Variants in CDK14 observed in about 807,000 individuals in gnomAD.
The protein encoded by CDK14 is cyclin-dependent kinase 14.
A neutral mutation model predicts 60.7 loss-of-function variants in CDK14; 34 were observed. That is an observed-to-expected ratio of 0.56 (90% CI 0.43 to 0.75). The LOEUF (loss-of-function observed/expected upper bound fraction) is 0.75, where lower values mean the gene tolerates loss of function less well. CDK14 is among the 30% of genes least tolerant of loss of function. The probability of loss-of-function intolerance (pLI) is 0.00; values close to 1 mark genes in which losing one functional copy is unlikely to be tolerated. For synonymous variants in CDK14, 197 were observed against 203.7 expected (o/e 0.97, Z 0.28); for missense variants, 482 against 564.1 (o/e 0.85, Z 1.47).
At chr7:91,035,875 C>T (rs1449603577) in intron 10 of CDK14, among the ~76,000 whole-genome samples, 1 of 115,938 alleles carries the variant, frequency 8.6e-6, no homozygotes, top group East Asian at 3.0e-4. Context: ...CTCGCTCTGT[C>T]GCCCAGGCCG....
chr7:90,895,338 C>T (rs13232342), intron 6 of CDK14, among the ~76,000 whole-genome samples: 6,753 of 16,300 alleles, frequency 0.41, 1,005 homozygotes, highest in South Asian at 0.49. Context: ...TTCCTCTCCT[C>T]TCCTCTCCTC....
intron 11 of CDK14, among the ~76,000 whole-genome samples, chr7:91,054,105 T>TC (rs962335301): frequency 1.1e-4 from 17 of 149,980 alleles, no homozygotes; most frequent in Non-Finnish European, 2.1e-4. Context: ...TTTTTTTTTT[T>TC]TTTTTTACCA....
At chr7:90,880,511 G>A (rs1192748679) in intron 6 of CDK14, among the ~76,000 whole-genome samples, 1 of 152,162 alleles carries the variant, frequency 6.6e-6, no homozygotes, top group Non-Finnish European at 1.5e-5. Flanking sequence ...CCTCCTGGTA[G>A]TTCTGAGGAA....
intron 9 of CDK14, among the ~76,000 whole-genome samples, chr7:90,971,653 T>TAAAAAAA (rs35135401): frequency 1.3e-4 from 16 of 119,506 alleles, no homozygotes; most frequent in Non-Finnish European, 1.7e-4. Flanking sequence ...ATATACATAG[T>TAAAAAAA]AAAAAAAAAA....
chr7:90,893,109 ACT>A lies in CDK14; in HGVS notation c.640-6179_640-6178del, dbSNP rs200027551. Among the ~76,000 whole-genome samples the A allele has an allele frequency of 7.0e-3, 1,065 of 151,634 alleles. 10 individuals carry two copies. Among genetic ancestry groups the A allele is most frequent in the South Asian group, 0.012 (57 of 4,776 alleles). On this transcript the variant is annotated intron_variant, in intron 6 of 14. Coordinates refer to ENST00000380050, the MANE Select transcript of CDK14 (RefSeq NM_001287135.2). ...GTCTTCAGAGCCTCTTTCTGCGCTCACTCTGTCTGCTGCTTGGTTTCTAAGTC... is the reference window on the plus strand; with the variant it reads ...GTCTTCAGAGCCTCTTTCTGCGCTCACTGTCTGCTGCTTGGTTTCTAAGTC...
chr7:91,009,372 T>G (rs1489336154), intron 10 of CDK14, among the ~76,000 whole-genome samples: 6 of 152,210 alleles, frequency 3.9e-5, no homozygotes, highest in African/African-American at 1.4e-4. Context: ...ATGTTTTGTC[T>G]TCCGTTGGAT....
At chr7:90,616,514 TGG>T (rs1046437543) in intron 2 of CDK14, among the ~76,000 whole-genome samples, 3 of 152,150 alleles carry the variant, frequency 2.0e-5, no homozygotes, top group African/African-American at 7.2e-5. Flanking sequence ...TGAGCATCCT[TGG>T]GTCATTACAT....
At chr7:90,973,256 T>C (rs1272237501) in intron 9 of CDK14, among the ~76,000 whole-genome samples, 1 of 152,158 alleles carries the variant, frequency 6.6e-6, no homozygotes, top group Non-Finnish European at 1.5e-5. Flanking sequence ...ATTAGGAAAT[T>C]ATGTATAATA....
chr7:91,118,318 G>A, intron 14 of CDK14, 110 bp downstream of exon 14: 1 of 576,614 alleles, frequency 1.7e-6, no homozygotes, highest in East Asian at 2.9e-5. Context: ...TGAGTCTCTT[G>A]TGTGCATTAT....
rs1562907850 is a variant in CDK14, at chr7:91,108,906, A to T, written c.1155-3636A>T. ...TTTGAGGTGCAACTTAAAAGAGAAG[A>T]TCTGAAGGAGGAGTGGGAGAGCTAT... On this transcript the variant is annotated intron_variant, in intron 12 of 14. Transcript: ENST00000380050. 2.0e-5 allele frequency among the ~76,000 whole-genome samples: 3 copies of T among 152,330 alleles called. No homozygotes were observed. In the South Asian group the frequency reaches 6.2e-4, roughly 32 times the overall value.
At chr7:90,870,634 C>A (rs970226907) in intron 6 of CDK14, among the ~76,000 whole-genome samples, 1 of 152,122 alleles carries the variant, frequency 6.6e-6, no homozygotes, top group Non-Finnish European at 1.5e-5. Context: ...CCACTAGATT[C>A]ATTATCTAGT....
rs907252707 is a variant in CDK14, at chr7:91,005,282, G to A, written c.1041+21041G>A. 1.5e-3 allele frequency among the ~76,000 whole-genome samples: 221 copies of A among 152,362 alleles called. 2 individuals are homozygous for A. The highest frequency in any genetic ancestry group is 4.9e-3 in the African/African-American group (204 of 41,594). On this transcript the variant is annotated intron_variant, in intron 10 of 14. Coordinates refer to ENST00000380050, the MANE Select transcript of CDK14 (RefSeq NM_001287135.2). Reference sequence around the variant, plus strand: ...AAAGCTGGAAGGTGAACACCACTTCGTGGTGGGTGCACTGCTGGGAACACA... The same window carrying A: ...AAAGCTGGAAGGTGAACACCACTTCATGGTGGGTGCACTGCTGGGAACACA...
At chr7:90,802,033 G>T (rs1025426763) in intron 5 of CDK14, among the ~76,000 whole-genome samples, 1 of 152,156 alleles carries the variant, frequency 6.6e-6, no homozygotes, top group African/African-American at 2.4e-5. Context: ...TGGGAAGAGG[G>T]GCTCCTGGGA....
chr7:90,993,752 A>G (rs1562860420), intron 10 of CDK14, among the ~76,000 whole-genome samples: 1 of 152,152 alleles, frequency 6.6e-6, no homozygotes, highest in Non-Finnish European at 1.5e-5. Flanking sequence ...TAGATTTTTA[A>G]TCTATTTTTT....
rs1001669929 is a variant in CDK14 at position 90,943,853 on chromosome 7, T to C, written c.827-11844T>C. Among the ~76,000 whole-genome samples, 11 of 152,214 alleles carry C rather than the reference T, an allele frequency of 7.2e-5. No individual in the cohort carries two copies. The East Asian group carries it at 7.7e-4, about 11-fold the overall frequency. On this transcript the variant is annotated intron_variant, in intron 8 of 14. Coordinates refer to ENST00000380050, the MANE Select transcript of CDK14 (RefSeq NM_001287135.2). ...GTGGGTCCTGCTACAGTTTGAGTGT[T>C]TCCCCCAGAATATGTTTTGGAAATT...
intron 3 of CDK14, among the ~76,000 whole-genome samples, chr7:90,738,686 G>T (rs895868451): frequency 6.6e-6 from 1 of 152,178 alleles, no homozygotes; most frequent in African/African-American, 2.4e-5. Flanking sequence ...AAGTAGGGAA[G>T]CGATAAGCAG....
intron 1 of CDK14, among the ~76,000 whole-genome samples, chr7:90,602,813 A>G (rs1464306836): frequency 1.3e-5 from 2 of 152,214 alleles, no homozygotes; most frequent in Non-Finnish European, 2.9e-5. Flanking sequence ...TATTAGGCAA[A>G]AGGGAAAAAT....
At chr7:91,086,683 G>A (rs10258565) in intron 12 of CDK14, among the ~76,000 whole-genome samples, 25,127 of 149,936 alleles carry the variant, frequency 0.17, 2,888 homozygotes, top group African/African-American at 0.32. Context: ...GTGTGTGTGT[G>A]TATATATCTT....
At chr7:90,828,273 T>C (rs1462557400) in intron 5 of CDK14, among the ~76,000 whole-genome samples, 1 of 152,260 alleles carries the variant, frequency 6.6e-6, no homozygotes, top group Non-Finnish European at 1.5e-5. Flanking sequence ...ATCTGAGACC[T>C]GTTGGAGGTC....
Sources: gnomAD v4.1 joint callset for allele counts (sites outside exome capture counted in the v4.1 genomes callset) on GRCh38, gnomAD v4.1.1 for gene constraint, MANE v1.5 for transcripts, NCBI Gene and HGNC (gene_info 2026-07-23, HGNC 2026-07-21) for gene names.